Variants in WWOX observed in about 807,000 individuals in gnomAD.
WWOX encodes WW domain containing oxidoreductase.
WWOX carries 69 observed loss-of-function variants against 46.2 expected under a neutral mutation model. That is an observed-to-expected ratio of 1.49 (90% CI 1.23 to 1.82). The LOEUF (loss-of-function observed/expected upper bound fraction) is 1.82. Ranked by LOEUF, WWOX falls within the 40% of genes most tolerant of loss-of-function variation. The probability of loss-of-function intolerance (pLI) is 0.00; values close to 1 mark genes in which losing one functional copy is unlikely to be tolerated. For synonymous variants in WWOX, 359 were observed against 202.6 expected (o/e 1.77, Z -6.56); for missense variants, 919 against 542.6 (o/e 1.69, Z -6.89).
chr16:78,729,160 T>G (rs1363189606), intron 8 of WWOX, among the ~76,000 whole-genome samples: 1 of 151,686 alleles, frequency 6.6e-6, no homozygotes, highest in Non-Finnish European at 1.5e-5. Context: ...CTGGCCAACA[T>G]GGTGAAACCT....
chr16:78,785,700 C>T (rs924355386), intron 8 of WWOX, among the ~76,000 whole-genome samples: 1 of 152,160 alleles, frequency 6.6e-6, no homozygotes, highest in Non-Finnish European at 1.5e-5. Flanking sequence ...GTAGCTGTGA[C>T]ATGAATATTG....
At chr16:79,095,758 C>G (rs1357360095) in intron 8 of WWOX, among the ~76,000 whole-genome samples, 4 of 152,054 alleles carry the variant, frequency 2.6e-5, no homozygotes, top group East Asian at 3.9e-4. Flanking sequence ...GGACAAACCT[C>G]ACAAATAGGA....
chr16:78,216,453 T>C (rs1439337318), intron 5 of WWOX, among the ~76,000 whole-genome samples: 2 of 152,138 alleles, frequency 1.3e-5, no homozygotes, highest in Non-Finnish European at 2.9e-5. Context: ...AAGATAGAAG[T>C]CCTACAGGGT....
intron 8 of WWOX, among the ~76,000 whole-genome samples, chr16:78,789,588 C>T (rs544468571): frequency 6.6e-6 from 1 of 152,088 alleles, no homozygotes; most frequent in Admixed American, 6.6e-5. Context: ...TGTGAATTCT[C>T]CAACTTTGTT....
intron 6 of WWOX, among the ~76,000 whole-genome samples, chr16:78,424,161 A>G (rs1486901528): frequency 1.6e-5 from 2 of 124,408 alleles, no homozygotes; most frequent in African/African-American, 6.4e-5. Flanking sequence ...TCTGTTGGTC[A>G]GGCTGGAGTG....
rs533474891 is a variant in WWOX at position 78,860,991 on chromosome 16, A to AT, written c.1057-350608dup. On this transcript the variant is annotated intron_variant, in intron 8 of 8. Coordinates refer to ENST00000566780, the MANE Select transcript of WWOX (RefSeq NM_016373.4). ...CCGTAACTCGCAACTAATTTTTTGT[A>AT]TTTTTTTTTGTAGAGATGGGGTTTT... Among the ~76,000 whole-genome samples, 1,397 of 150,928 alleles carry AT rather than the reference A, an allele frequency of 9.3e-3. 22 individuals carry two copies. Among genetic ancestry groups the AT allele is most frequent in the African/African-American group, 0.032 (1,304 of 41,142 alleles).
chr16:78,153,862 A>G (rs1333179259), intron 4 of WWOX, among the ~76,000 whole-genome samples: 2 of 152,168 alleles, frequency 1.3e-5, no homozygotes, highest in Non-Finnish European at 2.9e-5. Flanking sequence ...ACCAGAAGGA[A>G]CCTTCCTGGC....
At chr16:78,911,773 G>A (rs972618747) in intron 8 of WWOX, among the ~76,000 whole-genome samples, 1 of 152,070 alleles carries the variant, frequency 6.6e-6, no homozygotes, top group African/African-American at 2.4e-5. Context: ...GGCTGAGGCA[G>A]GAGAATCACT....
At chr16:78,344,356 G>A in intron 5 of WWOX, among the ~76,000 whole-genome samples, 1 of 120,724 alleles carries the variant, frequency 8.3e-6, no homozygotes, top group South Asian at 2.5e-4. Flanking sequence ...TTATTTGAAA[G>A]GTATTTGCTT....
chr16:78,821,616 G>T (rs1407504534), intron 8 of WWOX, among the ~76,000 whole-genome samples: 2 of 152,178 alleles, frequency 1.3e-5, no homozygotes, highest in Non-Finnish European at 2.9e-5. Flanking sequence ...ATGTGTCAAT[G>T]TTTATAACTT....
intron 5 of WWOX, chr16:78,355,578 C>G (rs35270593): frequency 2.1e-6 from 1 of 484,672 alleles, no homozygotes; most frequent in Non-Finnish European, 4.1e-6. Flanking sequence ...GTGGAGGATC[C>G]CCTGGATCTT....
At chr16:78,602,186 C>A (rs1438881374) in intron 8 of WWOX, among the ~76,000 whole-genome samples, 1 of 152,170 alleles carries the variant, frequency 6.6e-6, no homozygotes, top group Admixed American at 6.5e-5. Context: ...CCTCTTACTT[C>A]AGTATTTTCC....
chr16:78,900,756 A>G (rs1483105464), intron 8 of WWOX, among the ~76,000 whole-genome samples: 1 of 152,148 alleles, frequency 6.6e-6, no homozygotes, highest in African/African-American at 2.4e-5. Context: ...ACTTTCAAGA[A>G]TATTCATAGT....
At chr16:78,114,881 A>G (rs2032692821) in intron 3 of WWOX, 95 bp from the exon 4 acceptor site, 2 of 1,535,110 alleles carry the variant, frequency 1.3e-6, no homozygotes, top group Non-Finnish European at 1.8e-6. Context: ...ATTTTGGTCT[A>G]TGAAAAATGG....
intron 8 of WWOX, among the ~76,000 whole-genome samples, chr16:79,131,450 C>A (rs112864612): frequency 1.3e-5 from 2 of 152,012 alleles, no homozygotes; most frequent in African/African-American, 4.8e-5. Flanking sequence ...GAAATTAGAT[C>A]TATCACATAC....
intron 4 of WWOX, among the ~76,000 whole-genome samples, chr16:78,134,084 T>C (rs546054999): frequency 6.6e-6 from 1 of 152,336 alleles, no homozygotes; most frequent in East Asian, 1.9e-4. Context: ...TCATGTTGGT[T>C]AGGAGAACTA....
intron 8 of WWOX, among the ~76,000 whole-genome samples, chr16:78,802,345 A>G (rs2050912955): frequency 6.6e-6 from 1 of 151,978 alleles, no homozygotes; most frequent in Non-Finnish European, 1.5e-5. Flanking sequence ...AAATTGTTAC[A>G]GAGAGAAAGA....
chr16:79,162,101 C>A (rs1485562592), intron 8 of WWOX, among the ~76,000 whole-genome samples: 1 of 152,166 alleles, frequency 6.6e-6, no homozygotes, highest in Non-Finnish European at 1.5e-5. Context: ...TGAATCATTA[C>A]CTGATTTTTT....
At chr16:78,905,241 A>G (rs1281071397) in intron 8 of WWOX, among the ~76,000 whole-genome samples, 5 of 152,344 alleles carry the variant, frequency 3.3e-5, no homozygotes, top group Non-Finnish European at 5.9e-5. Context: ...GAGGAGGCGG[A>G]GAAGAAAATT....
Sources: allele counts gnomAD v4.1 joint callset (sites outside exome capture counted in the v4.1 genomes callset), GRCh38; gene constraint gnomAD v4.1.1; transcripts MANE v1.5; gene names NCBI Gene and HGNC (gene_info 2026-07-23, HGNC 2026-07-21).